MBP: variants seen among roughly 807,000 people sequenced by gnomAD.
MBP encodes the protein Golli-MBP.
A neutral mutation model predicts 35.8 loss-of-function variants in MBP; 16 were observed. The observed-to-expected ratio is 0.45, with a 90% CI of 0.30 to 0.68. The LOEUF (loss-of-function observed/expected upper bound fraction) is 0.68. Among genes scored for constraint, MBP ranks in the 30% least tolerant of loss-of-function variants. The pLI, the probability that MBP is intolerant of heterozygous loss-of-function variation, is 0.08. For synonymous variants in MBP, 143 were observed against 159.6 expected, an observed-to-expected ratio of 0.90 and a Z score of 0.78; for missense variants, 380 against 404.7, an observed-to-expected ratio of 0.94 and a Z score of 0.52.
chr18:77,105,180 T>G (rs747057027), intron 2 of MBP, 31 bp downstream of exon 2: 4 of 1,609,232 alleles, frequency 2.5e-6, no homozygotes, highest in Admixed American at 3.3e-5. Context: ...GAAAACAACA[T>G]GCACATGTTT....
intron 2 of MBP, among the ~76,000 whole-genome samples, chr18:77,100,552 G>GTTTTT (rs1491185619): frequency 8.1e-6 from 1 of 123,368 alleles, no homozygotes; most frequent in African/African-American, 2.9e-5. Context: ...TGTGTTTTGT[G>GTTTTT]GTTTTTTCTT....
chr18:77,130,057 A>AAAAG (rs1181856795), intron 1 of MBP, among the ~76,000 whole-genome samples: 6 of 150,838 alleles, frequency 4.0e-5, no homozygotes, highest in African/African-American at 1.5e-4. Context: ...AAAAAAAAAA[A>AAAAG]AAAGAAAAAG....
At chr18:77,075,978 G>A (rs1472994263) in intron 2 of MBP, among the ~76,000 whole-genome samples, 2 of 152,188 alleles carry the variant, frequency 1.3e-5, no homozygotes, top group African/African-American at 4.8e-5. Flanking sequence ...TAATGCATAT[G>A]GAGGGATTCG....
At chr18:76,990,526 A>C (rs1969840202) in intron 4 of MBP, among the ~76,000 whole-genome samples, 1 of 152,100 alleles carries the variant, frequency 6.6e-6, no homozygotes, top group Admixed American at 6.6e-5. Context: ...ATCATATATC[A>C]AGATTGGGAA....
At chr18:77,124,180 C>T (rs1305966891) in intron 1 of MBP, among the ~76,000 whole-genome samples, 2 of 152,152 alleles carry the variant, frequency 1.3e-5, no homozygotes, top group African/African-American at 4.8e-5. Flanking sequence ...TCCTGCCTCC[C>T]CCTCATCTCT....
At chr18:77,024,642 T>G (rs572211512) in intron 3 of MBP, among the ~76,000 whole-genome samples, 219 of 152,312 alleles carry the variant, frequency 1.4e-3, no homozygotes, top group African/African-American at 5.0e-3. Flanking sequence ...TCAAAGCATG[T>G]GGGCGACGGA....
chr18:77,050,139 C>T (rs1331030636), intron 3 of MBP, among the ~76,000 whole-genome samples: 1 of 152,198 alleles, frequency 6.6e-6, no homozygotes, highest in Non-Finnish European at 1.5e-5. Flanking sequence ...TTGAGTAATG[C>T]TATTCCAAAT....
intron 7 of MBP, chr18:76,987,807 T>A: frequency 5.8e-6 from 6 of 1,039,806 alleles, no homozygotes; most frequent in Non-Finnish European, 7.0e-6. Context: ...GGTTAGAATA[T>A]AATGATTGGC....
chr18:77,047,076 C>A (rs1448454012), intron 3 of MBP, among the ~76,000 whole-genome samples: 1 of 152,190 alleles, frequency 6.6e-6, no homozygotes, highest in Non-Finnish European at 1.5e-5. Context: ...AAAGGAAAGT[C>A]TAAATGAACA....
At chr18:77,124,923 T>C (rs868236546) in intron 1 of MBP, among the ~76,000 whole-genome samples, 1 of 152,206 alleles carries the variant, frequency 6.6e-6, no homozygotes, top group Non-Finnish European at 1.5e-5. Flanking sequence ...TCATGGTTCT[T>C]CCTCAAGTCA....
chr18:77,082,569 G>A (rs372990400), intron 2 of MBP, among the ~76,000 whole-genome samples: 1 of 152,236 alleles, frequency 6.6e-6, no homozygotes, highest in East Asian at 1.9e-4. Context: ...TGAATGTACT[G>A]AAAGCATGGA....
chr18:77,029,437 AGGGAGGGGGAGGGGGAGG>A (rs1382354612), intron 3 of MBP, among the ~76,000 whole-genome samples: 1 of 23,048 alleles, frequency 4.3e-5, no homozygotes, highest in Non-Finnish European at 8.0e-5. Context: ...GGAGAGGGAG[AGGGAGGGGGAGGGGGAGG>A]GGGAGGGGGA....
chr18:76,986,615 C>G, intron 7 of MBP: 2 of 985,540 alleles, frequency 2.0e-6, no homozygotes, highest in Non-Finnish European at 2.4e-6. Flanking sequence ...GCAAGAAGGT[C>G]TAAGCACTGC....
intron 2 of MBP, among the ~76,000 whole-genome samples, chr18:77,078,436 G>C (rs1974750149): frequency 6.6e-6 from 1 of 152,190 alleles, no homozygotes; most frequent in Non-Finnish European, 1.5e-5. Flanking sequence ...CTTCCCGTAA[G>C]TCCTCCTGTG....
chr18:77,089,676 G>C (rs902603782), intron 2 of MBP, among the ~76,000 whole-genome samples: 6 of 152,194 alleles, frequency 3.9e-5, no homozygotes, highest in African/African-American at 1.4e-4. Flanking sequence ...GCCGCTCTTG[G>C]GCTCTTGGAG....
chr18:77,008,157 C>T (rs1261366715), intron 4 of MBP, among the ~76,000 whole-genome samples: 2 of 152,182 alleles, frequency 1.3e-5, no homozygotes, highest in East Asian at 3.9e-4. Flanking sequence ...GGGTGCTGTG[C>T]CACCCTTAGC....
At position 77,131,632 on chromosome 18, in the gene MBP, C is replaced by T. The variant is rs897693557; in HGVS notation, c.-26+948G>A. ...TCCCCAAAGACGCTTGAACCTTTTC[C>T]CAAGCCCCACTCCACCTTCCAAAAC... On this transcript the variant is annotated intron_variant, in intron 1 of 8. Coordinates refer to ENST00000355994, the MANE Select transcript of MBP (RefSeq NM_001025101.2). This position sits in a 1 kb window ranked among gnomAD's most constrained non-coding sequence, Gnocchi z 5.5. 1 of 152,142 alleles carries T rather than the reference C, an allele frequency of 6.6e-6. No individual in the cohort carries two copies. Among genetic ancestry groups the T allele is most frequent in the African/African-American group, 2.4e-5 (1 of 41,378 alleles). The allele number at this position is 152,142 out of a possible 1,614,324, so 9.4% of individuals were successfully genotyped here. A position where few individuals can be genotyped will look rare whatever the true frequency, so the allele number is the denominator to read the frequency against.
chr18:77,086,145 T>C (rs558335054), intron 2 of MBP, among the ~76,000 whole-genome samples: 1 of 152,334 alleles, frequency 6.6e-6, no homozygotes, highest in South Asian at 2.1e-4. Flanking sequence ...TCTTCAAAGC[T>C]GAGTTCTGCT....
chr18:76,989,324 C>G lies in MBP; in HGVS notation c.682-412G>C, dbSNP rs1363869245. Among the ~76,000 whole-genome samples, 1 of 152,212 alleles carries G rather than the reference C, an allele frequency of 6.6e-6. No individual in the cohort carries two copies. The highest frequency in any genetic ancestry group is 2.4e-5 in the African/African-American group (1 of 41,460). ...AGCTCCTAAGTGCACTTATCGAATACGAGCATAAAATGTCTGCTGCACTGA... is the reference window on the plus strand; with the variant it reads ...AGCTCCTAAGTGCACTTATCGAATAGGAGCATAAAATGTCTGCTGCACTGA... On this transcript the variant is annotated intron_variant, in intron 5 of 8. Coordinates refer to ENST00000355994, the MANE Select transcript of MBP (RefSeq NM_001025101.2). The surrounding 1 kb of genome is among the most constrained non-coding windows in gnomAD (Gnocchi z 4.0).
Sources: allele counts gnomAD v4.1 joint callset (sites outside exome capture counted in the v4.1 genomes callset), GRCh38; gene constraint gnomAD v4.1.1; non-coding constraint Gnocchi (gnomAD v3.1); transcripts MANE v1.5; gene names NCBI Gene and HGNC (gene_info 2026-07-23, HGNC 2026-07-21).